Variants in CLSTN2 observed in about 807,000 individuals in gnomAD.
CLSTN2 encodes calsyntenin-2.
A neutral mutation model predicts 101.2 loss-of-function variants in CLSTN2; 48 were observed. The ratio of observed to expected loss-of-function variants is 0.47; its 90% CI spans 0.38 to 0.60. The LOEUF (loss-of-function observed/expected upper bound fraction) is 0.60. Ranked by LOEUF, CLSTN2 falls within the 20% of genes least tolerant of loss-of-function variation. CLSTN2 has a pLI of 0.00. For missense variants in CLSTN2, 1,160 were observed against 1,238.2 expected (o/e 0.94, Z 0.95); for synonymous variants, 481 against 463.6 (o/e 1.04, Z -0.48).
intron 7 of CLSTN2, among the ~76,000 whole-genome samples, chr3:140,462,003 A>G (rs1420846190): frequency 2.6e-5 from 2 of 77,346 alleles, no homozygotes. Context: ...AATTTTTTTC[A>G]AGTCATAAAG....
At chr3:140,369,775 C>T (rs941885115) in intron 2 of CLSTN2, among the ~76,000 whole-genome samples, 4 of 152,134 alleles carry the variant, frequency 2.6e-5, no homozygotes, top group Non-Finnish European at 5.9e-5. Context: ...GTATTACTCA[C>T]CAGGAATTAA....
At chr3:140,452,958 G>T (rs1291745109) in intron 6 of CLSTN2, among the ~76,000 whole-genome samples, 3 of 152,138 alleles carry the variant, frequency 2.0e-5, no homozygotes, top group Non-Finnish European at 2.9e-5. Context: ...TGCCATCTAG[G>T]CACCAGGCTT....
chr3:140,371,836 C>CA (rs1470761379), intron 2 of CLSTN2, among the ~76,000 whole-genome samples: 2 of 152,164 alleles, frequency 1.3e-5, no homozygotes, highest in Non-Finnish European at 2.9e-5. Flanking sequence ...GATAAGTGGG[C>CA]ATGCTGTCTG....
rs192791575 is a variant in CLSTN2 at position 140,192,298 on chromosome 3, C to T, written c.232+16225C>T. Among the ~76,000 whole-genome samples, 13 of 151,950 alleles carry T rather than the reference C, an allele frequency of 8.6e-5. No homozygotes were observed. The South Asian group carries it at 1.5e-3, about 17-fold the overall frequency. On this transcript the variant is annotated intron_variant, in intron 2 of 16. Coordinates refer to ENST00000458420, the MANE Select transcript of CLSTN2 (RefSeq NM_022131.3). ...TACAAATGCATGTTCTGCTTTTGTT[C>T]GGGTCTATAAACGTAGATTACATCC...
intron 2 of CLSTN2, among the ~76,000 whole-genome samples, chr3:140,378,031 T>C (rs773087227): frequency 4.4e-4 from 67 of 152,352 alleles, no homozygotes; most frequent in Middle Eastern, 3.4e-3. Context: ...TACTATTTTA[T>C]TATAATTTCT....
chr3:140,027,764 A>C (rs2007451867), intron 1 of CLSTN2, among the ~76,000 whole-genome samples: 1 of 152,150 alleles, frequency 6.6e-6, no homozygotes, highest in Non-Finnish European at 1.5e-5. Flanking sequence ...TCTACTGACA[A>C]ATCCCTGGGC....
At chr3:140,372,516 G>A (rs151058575) in intron 2 of CLSTN2, among the ~76,000 whole-genome samples, 29 of 152,218 alleles carry the variant, frequency 1.9e-4, no homozygotes, top group African/African-American at 5.8e-4. Context: ...AACATTAGGC[G>A]ATGTGGTGTT....
At chr3:139,974,291 A>T (rs1251219205) in intron 1 of CLSTN2, among the ~76,000 whole-genome samples, 1 of 152,244 alleles carries the variant, frequency 6.6e-6, no homozygotes, top group East Asian at 1.9e-4. Flanking sequence ...AACTGGAGCC[A>T]TAGGGCAAGG....
rs555305201 is a variant in CLSTN2, at chr3:140,053,426, G to A, written c.109+117943G>A. Among the ~76,000 whole-genome samples, 97 of 152,320 alleles carry A rather than the reference G, an allele frequency of 6.4e-4. 1 individual carries two copies. Among genetic ancestry groups the A allele is most frequent in the Non-Finnish European group, 2.5e-4 (17 of 68,016 alleles). On this transcript the variant is annotated intron_variant, in intron 1 of 16. Coordinates refer to ENST00000458420, the MANE Select transcript of CLSTN2 (RefSeq NM_022131.3). Reference sequence around the variant, plus strand: ...CTCGCTGGTCAGCTGGGTGGGGACAGAGGTCAGAGTCACAGCTACTGTCTC... The same window carrying A: ...CTCGCTGGTCAGCTGGGTGGGGACAAAGGTCAGAGTCACAGCTACTGTCTC...
chr3:140,504,926 G>A (rs913613613), intron 8 of CLSTN2, among the ~76,000 whole-genome samples: 1 of 152,198 alleles, frequency 6.6e-6, no homozygotes, highest in Non-Finnish European at 1.5e-5. Flanking sequence ...CAAAACTCAA[G>A]TGAAAATTCC....
intron 1 of CLSTN2, among the ~76,000 whole-genome samples, chr3:140,099,013 G>C (rs1442787630): frequency 6.6e-6 from 1 of 152,198 alleles, no homozygotes; most frequent in Non-Finnish European, 1.5e-5. Flanking sequence ...GAGGTGGAGA[G>C]CCTGGTGATG....
intron 10 of CLSTN2, among the ~76,000 whole-genome samples, chr3:140,551,371 C>T (rs1935695534): frequency 1.3e-5 from 2 of 151,996 alleles, no homozygotes; most frequent in African/African-American, 4.8e-5. Context: ...AATATTTCTC[C>T]AGCATGTCTG....
chr3:140,338,166 C>CA (rs2087460638), intron 2 of CLSTN2, among the ~76,000 whole-genome samples: 1 of 152,158 alleles, frequency 6.6e-6, no homozygotes, highest in African/African-American at 2.4e-5. Context: ...GGGACAGCAC[C>CA]AGCACCCTGG....
At chr3:140,533,827 G>A (rs1190440257) in intron 9 of CLSTN2, among the ~76,000 whole-genome samples, 17 of 151,996 alleles carry the variant, frequency 1.1e-4, no homozygotes, top group Admixed American at 1.1e-3. Flanking sequence ...GCAGCTCCAT[G>A]TAAAAGAAGA....
rs140896008 is a variant in CLSTN2, at chr3:140,267,651, A to G, written c.232+91578A>G. Among the ~76,000 whole-genome samples the G allele has an allele frequency of 1.1e-3, 168 of 152,328 alleles. 1 individual carries two copies. Among genetic ancestry groups the G allele is most frequent in the Admixed American group, 5.1e-3 (78 of 15,302 alleles). On this transcript the variant is annotated intron_variant, in intron 2 of 16. Coordinates refer to ENST00000458420, the MANE Select transcript of CLSTN2 (RefSeq NM_022131.3). ...CCACTGTGTTGCCTCTTTCAGACAC[A>G]AGCCCAGAAGTTTTGCTGTGCCCCA...
At chr3:140,394,125 T>C (rs558849775) in intron 2 of CLSTN2, among the ~76,000 whole-genome samples, 1 of 152,300 alleles carries the variant, frequency 6.6e-6, no homozygotes, top group African/African-American at 2.4e-5. Flanking sequence ...ACAGTTAAAC[T>C]AGCTTTTTAT....
At chr3:140,155,006 C>A (rs536599107) in intron 1 of CLSTN2, among the ~76,000 whole-genome samples, 1 of 152,210 alleles carries the variant, frequency 6.6e-6, no homozygotes, top group South Asian at 2.1e-4. Context: ...TCCCATCAGG[C>A]CCCTCCCTTG....
intron 1 of CLSTN2, among the ~76,000 whole-genome samples, chr3:140,090,276 G>A (rs2008755661): frequency 6.6e-6 from 1 of 151,950 alleles, no homozygotes; most frequent in African/African-American, 2.4e-5. Flanking sequence ...TGGTCATGCT[G>A]ACCTTAGCCA....
Position 140,434,025 on chromosome 3 carries a change from G to A in CLSTN2, c.787+12751G>A, listed in dbSNP as rs375069199. Among the ~76,000 whole-genome samples the A allele has an allele frequency of 1.8e-3, 267 of 152,288 alleles. 1 individual carries two copies. Among genetic ancestry groups the A allele is most frequent in the African/African-American group, 6.1e-3 (255 of 41,540 alleles). On this transcript the variant is annotated intron_variant, in intron 5 of 16. Transcript: ENST00000458420. ...GTGGCTTCCTTCCTGCTCTCTGCAT[G>A]ACCCAGTGGAGGGCAGCCCCAGCCA...
Sources: gnomAD v4.1 joint callset for allele counts (sites outside exome capture counted in the v4.1 genomes callset) on GRCh38, gnomAD v4.1.1 for gene constraint, MANE v1.5 for transcripts, NCBI Gene and HGNC (gene_info 2026-07-23, HGNC 2026-07-21) for gene names.